Variants in TOX3 observed in about 807,000 individuals in gnomAD.
TOX3 encodes CAG trinucleotide repeat-containing gene F9 protein.
TOX3 carries 22 observed loss-of-function variants against 64.3 expected under a neutral mutation model. The ratio of observed to expected loss-of-function variants is 0.34; its 90% confidence interval spans 0.24 to 0.49. The LOEUF (loss-of-function observed/expected upper bound fraction) is 0.49. Among genes scored for constraint, TOX3 ranks in the 20% least tolerant of loss-of-function variants. TOX3 has a pLI of 0.99. For synonymous variants in TOX3, 291 were observed against 273.6 expected, an observed-to-expected ratio of 1.06 and a Z score of -0.63; for missense variants, 661 against 714.4, an observed-to-expected ratio of 0.93 and a Z score of 0.85.
chr16:52,465,178 C>T (rs954035679), intron 2 of TOX3, among the ~76,000 whole-genome samples: 20 of 151,626 alleles, frequency 1.3e-4, no homozygotes, highest in Non-Finnish European at 5.9e-5. Flanking sequence ...CCATACACGG[C>T]TAATTCTTGA....
chr16:52,501,616 C>T (rs575971798), intron 1 of TOX3, among the ~76,000 whole-genome samples: 25 of 151,680 alleles, frequency 1.6e-4, no homozygotes, highest in African/African-American at 4.1e-4. Flanking sequence ...GTCGACACCG[C>T]GCCACTGCAC....
At chr16:52,464,786 A>G (rs1960803578) in intron 2 of TOX3, among the ~76,000 whole-genome samples, 2 of 152,128 alleles carry the variant, frequency 1.3e-5, no homozygotes, top group African/African-American at 4.8e-5. Context: ...ATATTAAAAG[A>G]TGCCAGCGCT....
chr16:52,502,181 G>A (rs916041062), intron 1 of TOX3, among the ~76,000 whole-genome samples: 2 of 152,158 alleles, frequency 1.3e-5, no homozygotes, highest in African/African-American at 4.8e-5. Flanking sequence ...TTGCCAGGCT[G>A]TATGCAGCAC....
At chr16:52,499,598 T>C (rs1961949305) in intron 1 of TOX3, among the ~76,000 whole-genome samples, 1 of 152,200 alleles carries the variant, frequency 6.6e-6, no homozygotes, top group Admixed American at 6.5e-5. Context: ...TTTTTAGACA[T>C]GGCTCTCACC....
intron 3 of TOX3, among the ~76,000 whole-genome samples, chr16:52,453,927 T>C (rs554748322): frequency 2.0e-5 from 3 of 152,362 alleles, no homozygotes; most frequent in Middle Eastern, 6.8e-3. Context: ...TTTATTACTA[T>C]GAGCCAGCAT....
intron 1 of TOX3, among the ~76,000 whole-genome samples, chr16:52,494,772 C>T (rs1313343250): frequency 6.6e-6 from 1 of 152,214 alleles, no homozygotes; most frequent in Non-Finnish European, 1.5e-5. Context: ...ACTCTTACAT[C>T]AGATGCAAAA....
chr16:52,495,988 T>A (rs1173934202), intron 1 of TOX3, among the ~76,000 whole-genome samples: 1 of 152,206 alleles, frequency 6.6e-6, no homozygotes, highest in African/African-American at 2.4e-5. Flanking sequence ...ATATCAGTTT[T>A]ACTAAATGCT....
chr16:52,499,950 G>A (rs1459413707), intron 1 of TOX3, among the ~76,000 whole-genome samples: 1 of 152,194 alleles, frequency 6.6e-6, no homozygotes, highest in East Asian at 1.9e-4. Flanking sequence ...TCTTTGGCCT[G>A]AACACAAGGG....
intron 1 of TOX3, among the ~76,000 whole-genome samples, chr16:52,528,665 C>A (rs1962781155): frequency 6.6e-6 from 1 of 152,084 alleles, no homozygotes; most frequent in South Asian, 2.1e-4. Context: ...GCAGAACCAA[C>A]CTAAGGGGGA....
intron 1 of TOX3, among the ~76,000 whole-genome samples, chr16:52,537,680 G>T (rs968419468): frequency 6.6e-6 from 1 of 152,052 alleles, no homozygotes; most frequent in Non-Finnish European, 1.5e-5. Context: ...ACAGTGTCCA[G>T]CTCCCCCACT....
At chr16:52,528,810 G>T (rs1327305636) in intron 1 of TOX3, among the ~76,000 whole-genome samples, 1 of 152,186 alleles carries the variant, frequency 6.6e-6, no homozygotes, top group Non-Finnish European at 1.5e-5. Flanking sequence ...ATCTAAGAGG[G>T]TGGCTGGTTT....
chr16:52,499,281 C>T (rs1596830708), intron 1 of TOX3, among the ~76,000 whole-genome samples: 2 of 152,308 alleles, frequency 1.3e-5, no homozygotes, highest in South Asian at 4.1e-4. Context: ...TGAAGCCAGG[C>T]AGCATTTACT....
intron 1 of TOX3, among the ~76,000 whole-genome samples, chr16:52,538,604 C>T (rs76374746): frequency 0.04 from 6,034 of 152,152 alleles, 381 homozygotes; most frequent in African/African-American, 0.14. Flanking sequence ...AACCTCACTC[C>T]CCCAAAAGAA....
chr16:52,539,246 C>T (rs1963025125), intron 1 of TOX3, among the ~76,000 whole-genome samples: 1 of 152,196 alleles, frequency 6.6e-6, no homozygotes, highest in African/African-American at 2.4e-5. Context: ...TTCCAAATAG[C>T]TATTAAGAGA....
In TOX3 at chr16:52,531,345, C is replaced by T. The variant is rs552505890; in HGVS notation, c.87+15292G>A. On this transcript the variant is annotated intron_variant, in intron 1 of 6. Coordinates refer to ENST00000219746, the MANE Select transcript of TOX3 (RefSeq NM_001080430.4). ...GTCAATAGTGACCCTGAGCAGAACTCAAACAGTTAAGAAAACTCACCACCT... is the reference window on the plus strand; with the variant it reads ...GTCAATAGTGACCCTGAGCAGAACTTAAACAGTTAAGAAAACTCACCACCT... 3.5e-4 allele frequency among the ~76,000 whole-genome samples: 53 copies of T among 152,260 alleles called. No homozygotes were observed. In the Middle Eastern group the frequency reaches 0.017, roughly 49 times the overall value.
intron 1 of TOX3, among the ~76,000 whole-genome samples, chr16:52,506,792 A>G (rs1962173715): frequency 6.6e-6 from 1 of 152,344 alleles, no homozygotes; most frequent in African/African-American, 2.4e-5. Flanking sequence ...ATCACATGTT[A>G]ACAATCTCCT....
chr16:52,502,975 C>T (rs1360101046), intron 1 of TOX3, among the ~76,000 whole-genome samples: 5 of 152,146 alleles, frequency 3.3e-5, no homozygotes, highest in African/African-American at 4.8e-5. Flanking sequence ...TGCAACTACA[C>T]GAAAAGCAGG....
intron 1 of TOX3, among the ~76,000 whole-genome samples, chr16:52,501,693 C>A (rs1386890852): frequency 6.7e-6 from 1 of 148,948 alleles, no homozygotes; most frequent in African/African-American, 2.6e-5. Context: ...AAAAAAAAAA[C>A]AGAGAGAGAA....
At chr16:52,450,128 G>T in intron 4 of TOX3, 149 bp downstream of exon 4, 2 of 925,252 alleles carry the variant, frequency 2.2e-6, no homozygotes, top group Admixed American at 2.7e-5. Flanking sequence ...ATAAATGAAA[G>T]AGTGAAGAAA....
Sources: allele counts gnomAD v4.1 joint callset (sites outside exome capture counted in the v4.1 genomes callset), GRCh38; gene constraint gnomAD v4.1.1; transcripts MANE v1.5; gene names NCBI Gene and HGNC (gene_info 2026-07-23, HGNC 2026-07-21).